The following TMEM178B variants were observed in gnomAD, a reference collection of about 807,000 sequenced individuals.
TMEM178B encodes the protein transmembrane protein 178B.
In TMEM178B, 5 loss-of-function variants were observed where a neutral mutation model predicts 31.0. The observed-to-expected ratio is 0.16, with a 90% CI of 0.08 to 0.34. The LOEUF is 0.34. TMEM178B is among the 10% of genes least tolerant of loss of function. TMEM178B has a pLI of 1.00. For synonymous variants in TMEM178B, 164 were observed against 164.0 expected, an observed-to-expected ratio of 1.00 and a Z score of 0.00; for missense variants, 275 against 400.3, an observed-to-expected ratio of 0.69 and a Z score of 2.67.
intron 2 of TMEM178B, among the ~76,000 whole-genome samples, chr7:141,387,965 T>C (rs1174616270): frequency 6.6e-6 from 1 of 152,170 alleles, no homozygotes; most frequent in Non-Finnish European, 1.5e-5. Context: ...CCTGCCTTCG[T>C]CCACTTACCT....
chr7:141,143,114 G>A (rs1305139807), intron 1 of TMEM178B, among the ~76,000 whole-genome samples: 3 of 152,056 alleles, frequency 2.0e-5, no homozygotes, highest in Non-Finnish European at 2.9e-5. Flanking sequence ...ATAGATTTTC[G>A]ATTTTAGACA....
At chr7:141,271,994 T>G (rs1183666621) in intron 2 of TMEM178B, among the ~76,000 whole-genome samples, 2 of 152,176 alleles carry the variant, frequency 1.3e-5, no homozygotes, top group African/African-American at 4.8e-5. Flanking sequence ...TCCCATTGCT[T>G]GGGCCTCCTT....
intron 2 of TMEM178B, among the ~76,000 whole-genome samples, chr7:141,295,003 A>G (rs990245823): frequency 6.6e-6 from 1 of 152,152 alleles, no homozygotes; most frequent in Non-Finnish European, 1.5e-5. Context: ...TTTTAATACC[A>G]CTAGATAGAG....
intron 3 of TMEM178B, among the ~76,000 whole-genome samples, chr7:141,450,630 A>T (rs897654476): frequency 1.4e-4 from 22 of 152,190 alleles, no homozygotes; most frequent in African/African-American, 5.3e-4. Context: ...AACACCTTAC[A>T]GTTCACAGAG....
intron 1 of TMEM178B, among the ~76,000 whole-genome samples, chr7:141,195,686 C>T (rs1057374286): frequency 7.9e-5 from 12 of 152,298 alleles, no homozygotes; most frequent in Middle Eastern, 3.4e-3. Context: ...TTCAGCAACA[C>T]CCCACTCTAC....
At chr7:141,248,342 C>A (rs1293101009) in intron 2 of TMEM178B, among the ~76,000 whole-genome samples, 1 of 152,098 alleles carries the variant, frequency 6.6e-6, no homozygotes, top group Admixed American at 6.5e-5. Context: ...ACCTGGGAGG[C>A]GGAGGTTGTA....
chr7:141,307,867 G>T lies in TMEM178B; in HGVS notation c.496+95163G>T, dbSNP rs558661963. Among the ~76,000 whole-genome samples, 10 of 152,276 alleles carry T rather than the reference G, an allele frequency of 6.6e-5. No individual in the cohort carries two copies. The South Asian group carries it at 2.1e-3, about 32-fold the overall frequency. On this transcript the variant is annotated intron_variant, in intron 2 of 3. Coordinates refer to ENST00000565468, the MANE Select transcript of TMEM178B (RefSeq NM_001195278.2). ...ACATGTTGAATGTAAGCCTAGCAGG[G>T]TCTTTAAGTTTGGTCACATTGTTAG...
chr7:141,382,478 G>A (rs1204777562), intron 2 of TMEM178B, among the ~76,000 whole-genome samples: 1 of 152,128 alleles, frequency 6.6e-6, no homozygotes, highest in African/African-American at 2.4e-5. Flanking sequence ...TACAGTTTCT[G>A]CACTGACTGA....
At position 141,480,179 on chromosome 7, in the gene TMEM178B, G is replaced by A. The variant is rs1802447912; in HGVS notation, c.*9393G>A. The A allele has an allele frequency of 6.6e-6, 1 of 152,186 alleles. No individual in the cohort carries two copies. The highest frequency in any genetic ancestry group is 1.5e-5 in the Non-Finnish European group (1 of 68,030). 9.4% of individuals were successfully genotyped at this position (152,186 alleles called of 1,614,324 possible). ...AGGACTGAGGAAGCAGAGAGCATTT[G>A]GGGACTTCACTGAAACTGACTGCAT... On this transcript the variant is annotated 3_prime_UTR_variant, in exon 4 of 4. Coordinates refer to ENST00000565468, the MANE Select transcript of TMEM178B (RefSeq NM_001195278.2).
At chr7:141,279,607 CA>C (rs1020806780) in intron 2 of TMEM178B, among the ~76,000 whole-genome samples, 25 of 152,214 alleles carry the variant, frequency 1.6e-4, no homozygotes, top group Non-Finnish European at 3.4e-4. Context: ...GTTCCCTTAG[CA>C]AGGCAAAATC....
chr7:141,333,696 GT>G (rs1459489471), intron 2 of TMEM178B, among the ~76,000 whole-genome samples: 1 of 152,218 alleles, frequency 6.6e-6, no homozygotes. Context: ...TAAGGCAGCA[GT>G]CCCCAACCTT....
rs187399927 is a variant in TMEM178B at position 141,221,095 on chromosome 7, A to G, written c.496+8391A>G. Among the ~76,000 whole-genome samples the G allele has an allele frequency of 4.4e-3, 669 of 152,134 alleles. 5 individuals are homozygous for G. Among genetic ancestry groups the G allele is most frequent in the African/African-American group, 0.015 (625 of 41,492 alleles). ...AATCAGCAAGGATTCATTGCAGGGG[A>G]AAAAAAACAATATATAAGACAAACT... On this transcript the variant is annotated intron_variant, in intron 2 of 3. Coordinates refer to ENST00000565468, the MANE Select transcript of TMEM178B (RefSeq NM_001195278.2).
chr7:141,347,422 G>A lies in TMEM178B; in HGVS notation c.497-90186G>A, dbSNP rs1799639714. Among the ~76,000 whole-genome samples the A allele has an allele frequency of 2.6e-5, 4 of 152,188 alleles. No homozygotes were observed. In the South Asian group the frequency reaches 8.3e-4, roughly 32 times the overall value. ...ATGCCACATTGGAGACAGGCATACA[G>A]TCTCTCGGGTCTCCTGGCAGAGCTG... On this transcript the variant is annotated intron_variant, in intron 2 of 3. Coordinates refer to ENST00000565468, the MANE Select transcript of TMEM178B (RefSeq NM_001195278.2).
In TMEM178B at chr7:141,474,137, A is replaced by G. The variant is rs1199244888; in HGVS notation, c.*3351A>G. On this transcript the variant is annotated 3_prime_UTR_variant, in exon 4 of 4. Coordinates refer to ENST00000565468, the MANE Select transcript of TMEM178B (RefSeq NM_001195278.2). ...TGTGCTTTGAGCTCCATGCAAGTCA[A>G]CCTTGAGCCTGGGGCCCATTGCAAC... The G allele has an allele frequency of 1.3e-5, 2 of 152,176 alleles. No individual in the cohort carries two copies. Among genetic ancestry groups the G allele is most frequent in the Non-Finnish European group, 2.9e-5 (2 of 68,038 alleles). The allele number at this position is 152,176 out of a possible 1,614,324, so 9.4% of individuals were successfully genotyped here. A position where few individuals can be genotyped will look rare whatever the true frequency, so the allele number is the denominator to read the frequency against.
intron 1 of TMEM178B, among the ~76,000 whole-genome samples, chr7:141,129,127 C>A (rs894022173): frequency 6.6e-6 from 1 of 152,108 alleles, no homozygotes; most frequent in Non-Finnish European, 1.5e-5. Context: ...TCAGGGATGC[C>A]CTTGAGGGTA....
intron 2 of TMEM178B, among the ~76,000 whole-genome samples, chr7:141,310,447 T>C (rs555820335): frequency 2.0e-5 from 3 of 152,300 alleles, no homozygotes; most frequent in South Asian, 4.1e-4. Context: ...CCAAGATACA[T>C]GTGTAGAATG....
intron 2 of TMEM178B, among the ~76,000 whole-genome samples, chr7:141,325,506 G>T (rs1452273511): frequency 1.3e-5 from 2 of 152,102 alleles, no homozygotes; most frequent in Non-Finnish European, 2.9e-5. Context: ...TTGACCTTAG[G>T]TGTGCCAATC....
chr7:141,193,802 G>GC (rs1196371590), intron 1 of TMEM178B, among the ~76,000 whole-genome samples: 3 of 152,174 alleles, frequency 2.0e-5, no homozygotes, highest in Non-Finnish European at 2.9e-5. Flanking sequence ...AGTTCCAAGG[G>GC]CCCCCTGCAG....
the TMEM178B span, among the ~76,000 whole-genome samples, chr7:141,507,080 G>A: frequency 6.6e-6 from 1 of 152,166 alleles, no homozygotes; most frequent in South Asian, 2.1e-4. Context: ...GCAGGGTACA[G>A]CCTCCCTCCC....
Sources: gnomAD v4.1 joint callset for allele counts (sites outside exome capture counted in the v4.1 genomes callset) on GRCh38, gnomAD v4.1.1 for gene constraint, MANE v1.5 for transcripts, NCBI Gene and HGNC (gene_info 2026-07-23, HGNC 2026-07-21) for gene names.